The following CERCAM variants were observed in gnomAD, a reference collection of about 807,000 sequenced individuals.
The protein encoded by CERCAM is cerebral endothelial cell adhesion molecule, also known as inactive glycosyltransferase 25 family member 3.
Under a neutral mutation model 66.0 loss-of-function variants are expected in CERCAM, and 59 were observed. That is an observed-to-expected ratio of 0.89 (90% confidence interval 0.73 to 1.11). CERCAM has a LOEUF of 1.11. CERCAM is among the 50% of genes most tolerant of loss of function. The probability of loss-of-function intolerance (pLI) is 0.00; values close to 1 mark genes in which losing one functional copy is unlikely to be tolerated. For missense variants in CERCAM, 840 were observed against 828.3 expected, an observed-to-expected ratio of 1.01 and a Z score of -0.17; for synonymous variants, 318 against 343.6, an observed-to-expected ratio of 0.93 and a Z score of 0.83.
chr9:128,428,042 A>C (rs1449824241), intron 5 of CERCAM, among the ~76,000 whole-genome samples: 1 of 152,182 alleles, frequency 6.6e-6, no homozygotes, highest in Non-Finnish European at 1.5e-5. Context: ...GCAGGGACTC[A>C]GTCTTGCTCA....
intron 8 of CERCAM, 67 bp from the exon 9 acceptor site, chr9:128,431,104 C>T (rs753421136): frequency 1.3e-5 from 20 of 1,564,920 alleles, no homozygotes; most frequent in African/African-American, 2.7e-5. Flanking sequence ...CCAACATGCA[C>T]AGGCCTGGCC....
intron 5 of CERCAM, among the ~76,000 whole-genome samples, chr9:128,425,208 C>G (rs928514105): frequency 1.3e-5 from 2 of 150,616 alleles, no homozygotes; most frequent in Admixed American, 6.6e-5. Context: ...AGGCGCCCAC[C>G]ACCACGCCCG....
rs761589974 is a variant in CERCAM, at chr9:128,431,261, C to G, written c.1161C>G (p.Gly387=). Residue 387 remains glycine, a synonymous_variant, in exon 9 of 13, where the codon GGC becomes GGG. Coordinates refer to ENST00000372838, the MANE Select transcript of CERCAM (RefSeq NM_016174.5). ...DPYSGRTLTK[G]EVGCFLSHYS... is the part of the protein sequence containing the mutation. ...ACTCGGGCCGCACTCTGACCAAGGG[C>G]GAGGTGGGCTGCTTCCTCAGCCATT... 1 of 1,614,080 alleles carries G rather than the reference C, an allele frequency of 6.2e-7. No homozygotes were observed.
At chr9:128,422,744 C>T (rs1235132156) in intron 1 of CERCAM, 124 bp from the exon 2 acceptor site, 4 of 1,110,062 alleles carry the variant, frequency 3.6e-6, no homozygotes, top group Non-Finnish European at 5.1e-6. Context: ...TGCTGTAGCA[C>T]ACCTACCCTT....
chr9:128,423,928 A>G (rs1450460442), intron 3 of CERCAM: 8 of 563,524 alleles, frequency 1.4e-5, no homozygotes, highest in Non-Finnish European at 1.9e-5. Context: ...TCAGTAACTC[A>G]GGTATAATCT....
At position 128,434,464 on chromosome 9, in the gene CERCAM, G is replaced by T. The variant is rs751060949; in HGVS notation, c.1386G>T (p.Leu462=). ...AGAAGGAGACGGCCGTGGAGGGGCT[G>T]CCGGGCCTGGTGGTGGCTGGGTACT... ...NPEKETAVEG[L]PGLVVAGYSY... is the part of the protein sequence containing the mutation. The change falls in exon 11 of 13, where the codon CTG becomes CTT. Residue 462 remains leucine (L), a synonymous_variant. Transcript: ENST00000372838. This position sits in a 1 kb window ranked among gnomAD's most constrained non-coding sequence, Gnocchi z 4.5. 6.2e-7 allele frequency: 1 copy of T among 1,613,984 alleles called. No individual in the cohort carries two copies. The highest frequency in any genetic ancestry group is 1.3e-5 in the African/African-American group (1 of 75,048).
At chr9:128,430,351 G>A (rs1272678545) in intron 8 of CERCAM, among the ~76,000 whole-genome samples, 1 of 152,076 alleles carries the variant, frequency 6.6e-6, no homozygotes, top group Non-Finnish European at 1.5e-5. Flanking sequence ...GCAGTGAGCC[G>A]AGATTGTGCC....
chr9:128,424,444 C>T lies in CERCAM; in HGVS notation c.596C>T (p.Thr199Ile), dbSNP rs770071245. The T allele has an allele frequency of 6.2e-6, 10 of 1,614,180 alleles. 1 individual carries two copies. The South Asian group carries it at 1.1e-4, about 18-fold the overall frequency. ...CGCCGCACAGCCGAGTACTTCCCCA[C>T]CAAGAACCGCCAGCGCCGGGGCTGC... is the stretch of plus-strand genomic sequence containing the variant. The part of the protein sequence containing the change: ...YYRRTAEYFP[T>I]KNRQRRGCFR... Residue 199 changes from threonine (T) to isoleucine (I), a missense_variant, in exon 5 of 13, where the codon ACC becomes ATC. Transcript: ENST00000372838.
intron 5 of CERCAM, chr9:128,427,827 A>C (rs1010232793): frequency 2.0e-5 from 3 of 150,732 alleles, no homozygotes; most frequent in African/African-American, 7.3e-5. Context: ...TGCCAGGTGA[A>C]AGACATCGTG....
At position 128,428,913 on chromosome 9, in the gene CERCAM, C is replaced by G; in HGVS notation, c.964-17C>G. The G allele has an allele frequency of 6.2e-7, 1 of 1,606,494 alleles. No homozygotes were observed. Among genetic ancestry groups the G allele is most frequent in the East Asian group, 2.2e-5 (1 of 44,574 alleles). The stretch of plus-strand genomic sequence containing the variant: ...CCGCTCCCTTGCACTTACCGCCCAC[C>G]CCCCTGCCTCCTCCAGGTCTTTGTC... On this transcript the variant is annotated splice_polypyrimidine_tract_variant and intron_variant, in intron 7 of 12. Coordinates refer to ENST00000372838, the MANE Select transcript of CERCAM (RefSeq NM_016174.5).
chr9:128,428,685 G>C, intron 6 of CERCAM, 72 bp from the exon 7 acceptor site: 1 of 1,529,530 alleles, frequency 6.5e-7, no homozygotes, highest in South Asian at 1.1e-5. Flanking sequence ...TGAGGCTGGG[G>C]GCTAGGACTT....
chr9:128,425,931 C>G (rs546771617), intron 5 of CERCAM, among the ~76,000 whole-genome samples: 2 of 151,176 alleles, frequency 1.3e-5, no homozygotes, highest in African/African-American at 2.4e-5. Flanking sequence ...CAGCCTCCCA[C>G]GTAGCTGGGA....
chr9:128,427,700 G>A (rs1833876643), intron 5 of CERCAM: 1 of 152,098 alleles, frequency 6.6e-6, no homozygotes, highest in Non-Finnish European at 1.5e-5. Flanking sequence ...GGGAGACAGA[G>A]GTTGTAATGA....
In CERCAM at chr9:128,420,977, G is replaced by A. The variant is rs768907884; in HGVS notation, c.100G>A (p.Val34Ile). Reference protein sequence around the residue: ...GVAESPLPAVVLAILARNAEH... With the variant: ...GVAESPLPAVILAILARNAEH... ...TGCGGAGTCGCCGCTGCCCGCCGTG[G>A]TCCTTGCCATCCTGGCCCGCAATGC... The change falls in exon 1 of 13, where the codon GTC (valine) becomes ATC (isoleucine). Residue 34 changes from valine (V) to isoleucine (I), a missense_variant. Coordinates refer to ENST00000372838, the MANE Select transcript of CERCAM (RefSeq NM_016174.5). The surrounding 1 kb of genome is among the most constrained non-coding windows in gnomAD (Gnocchi z 5.0). The A allele has an allele frequency of 1.4e-6, 2 of 1,470,072 alleles. No individual in the cohort carries two copies. The highest frequency in any genetic ancestry group is 1.3e-5 in the South Asian group (1 of 76,998). 91.1% of individuals were successfully genotyped at this position (1,470,072 alleles called of 1,614,324 possible). A position where few individuals can be genotyped will look rare whatever the true frequency, so the allele number is the denominator to read the frequency against.
intron 5 of CERCAM, among the ~76,000 whole-genome samples, chr9:128,426,890 C>G (rs1361233212): frequency 6.6e-6 from 1 of 152,062 alleles, no homozygotes; most frequent in Non-Finnish European, 1.5e-5. Flanking sequence ...GAAATCTTAC[C>G]AAGTGCAAAA....
At chr9:128,429,409 G>A (rs1050973744) in intron 8 of CERCAM, among the ~76,000 whole-genome samples, 2 of 152,082 alleles carry the variant, frequency 1.3e-5, no homozygotes, top group African/African-American at 2.4e-5. Context: ...AGCCAGGGCC[G>A]GGCACATAGT....
rs1834059613 is a variant in CERCAM at position 128,434,476 on chromosome 9, G to A, written c.1398G>A (p.Val466=). The A allele has an allele frequency of 3.7e-6, 6 of 1,613,962 alleles. No individual in the cohort carries two copies. The highest frequency in any genetic ancestry group is 5.1e-6 in the Non-Finnish European group (6 of 1,180,018). ...CCGTGGAGGGGCTGCCGGGCCTGGT[G>A]GTGGCTGGGTACTCCTACTGGACGC... The part of the protein sequence containing the change: ...ETAVEGLPGL[V]VAGYSYWTLA... The change falls in exon 11 of 13, where the codon GTG becomes GTA. Residue 466 remains valine (V), a synonymous_variant. Transcript: ENST00000372838. The surrounding 1 kb of genome is among the most constrained non-coding windows in gnomAD (Gnocchi z 4.5).
intron 1 of CERCAM, chr9:128,422,602 C>T (rs1833736337): frequency 2.4e-6 from 1 of 424,214 alleles, no homozygotes; most frequent in Non-Finnish European, 4.2e-6. Context: ...TATCTTTGTC[C>T]ATGACATAAG....
rs1834107256 is a variant in CERCAM, at chr9:128,436,065, TG to T, written c.*161del. 3.3e-5 allele frequency among the ~76,000 whole-genome samples: 5 copies of T among 152,284 alleles called. No homozygotes were observed. The South Asian group carries it at 1.0e-3, about 32-fold the overall frequency. On this transcript the variant is annotated intron_variant, in intron 12 of 12. Transcript: ENST00000372838. Reference sequence around the variant, plus strand: ...ATGTTTGTTGTTGTTGTTGTTTGTTTGTTTTTTTTAGACGGAGTCTCGCTCT... The same window carrying T: ...ATGTTTGTTGTTGTTGTTGTTTGTTTTTTTTTTTAGACGGAGTCTCGCTCT...
Sources: allele counts gnomAD v4.1 joint callset (sites outside exome capture counted in the v4.1 genomes callset), GRCh38; gene constraint gnomAD v4.1.1; non-coding constraint Gnocchi (gnomAD v3.1); transcripts MANE v1.5; gene names NCBI Gene and HGNC (gene_info 2026-07-23, HGNC 2026-07-21).